Variants in DSCAM observed in about 807,000 individuals in gnomAD.
DSCAM encodes cell adhesion molecule DSCAM.
DSCAM carries 47 observed loss-of-function variants against 217.7 expected under a neutral mutation model. The ratio of observed to expected loss-of-function variants is 0.22; its 90% CI spans 0.17 to 0.28. The LOEUF (loss-of-function observed/expected upper bound fraction) is 0.28. Among genes scored for constraint, DSCAM ranks in the 10% least tolerant of loss-of-function variants. The pLI, the probability that DSCAM is intolerant of heterozygous loss-of-function variation, is 1.00. For synonymous variants in DSCAM, 1,056 were observed against 1,015.3 expected (o/e 1.04, Z -0.76); for missense variants, 2,080 against 2,618.3 (o/e 0.79, Z 4.49).
At chr21:40,444,465 C>T (rs892419423) in intron 3 of DSCAM, among the ~76,000 whole-genome samples, 23 of 152,186 alleles carry the variant, frequency 1.5e-4, no homozygotes, top group African/African-American at 5.1e-4. Flanking sequence ...TACCTGGAGG[C>T]AAGTCCAACC....
At chr21:40,507,579 T>A (rs2076219727) in intron 3 of DSCAM, among the ~76,000 whole-genome samples, 1 of 152,008 alleles carries the variant, frequency 6.6e-6, no homozygotes, top group South Asian at 2.1e-4. Flanking sequence ...TCACTCGAGC[T>A]CAGGAGTTTG....
At chr21:40,510,079 C>T (rs748378877) in intron 3 of DSCAM, among the ~76,000 whole-genome samples, 2 of 152,020 alleles carry the variant, frequency 1.3e-5, no homozygotes, top group South Asian at 2.1e-4. Flanking sequence ...CAGCTGAGAT[C>T]GCCCCACTGC....
chr21:40,608,869 C>T (rs1394230442), intron 3 of DSCAM, among the ~76,000 whole-genome samples: 1 of 152,180 alleles, frequency 6.6e-6, no homozygotes, highest in Non-Finnish European at 1.5e-5. Context: ...ATTCCAGGAG[C>T]TACCACTCGT....
chr21:40,399,679 A>G (rs972275061), intron 3 of DSCAM, among the ~76,000 whole-genome samples: 2 of 152,198 alleles, frequency 1.3e-5, no homozygotes, highest in Non-Finnish European at 2.9e-5. Context: ...CTCAGCAAAA[A>G]ATGCTGCCAC....
chr21:40,039,826 TAAAAAG>T (rs888165540), intron 32 of DSCAM, among the ~76,000 whole-genome samples: 22 of 151,180 alleles, frequency 1.5e-4, no homozygotes, highest in African/African-American at 5.3e-4. Flanking sequence ...ACAGAAAAAA[TAAAAAG>T]GGAAAGAGAA....
intron 16 of DSCAM, among the ~76,000 whole-genome samples, chr21:40,163,033 AAAT>A: frequency 6.6e-6 from 1 of 151,404 alleles, no homozygotes; most frequent in Non-Finnish European, 1.5e-5. Context: ...TAAATATTCT[AAAT>A]AATGAATGTT....
chr21:40,361,880 T>C (rs2074770444), intron 4 of DSCAM, among the ~76,000 whole-genome samples: 1 of 152,146 alleles, frequency 6.6e-6, no homozygotes, highest in South Asian at 2.1e-4. Flanking sequence ...ATCTCTTGAG[T>C]GTTTCTTAAT....
intron 32 of DSCAM, among the ~76,000 whole-genome samples, chr21:40,040,947 A>C (rs2088736766): frequency 6.6e-6 from 1 of 152,130 alleles, no homozygotes; most frequent in African/African-American, 2.4e-5. Context: ...AAATAGTTGA[A>C]ATAAAAACAC....
rs543962250 is a variant in DSCAM, at chr21:40,140,116, C to A, written c.3406+2442G>T. ...GAGGCTGCAGTCTGGGGAGTTTGTG[C>A]AAAAGTGTCCAGTAGCCCCGTGAAC... is the stretch of plus-strand genomic sequence containing the variant. On this transcript the variant is annotated intron_variant, in intron 18 of 32. Coordinates refer to ENST00000400454, the MANE Select transcript of DSCAM (RefSeq NM_001389.5). Among the ~76,000 whole-genome samples the A allele has an allele frequency of 8.7e-4, 132 of 152,114 alleles. 4 individuals are homozygous for A. In the South Asian group the frequency reaches 0.027, roughly 31 times the overall value.
chr21:40,017,099 A>T (rs1162577344), intron 32 of DSCAM, among the ~76,000 whole-genome samples: 1 of 141,940 alleles, frequency 7.0e-6, no homozygotes, highest in African/African-American at 2.9e-5. Context: ...ATGAAACTCC[A>T]TCTCAAAAAA....
chr21:40,167,376 A>G (rs1053874638), intron 15 of DSCAM, 88 bp from the exon 16 acceptor site: 2 of 1,129,362 alleles, frequency 1.8e-6, no homozygotes, highest in Non-Finnish European at 2.7e-6. Context: ...CCCCGAGGAC[A>G]ACCCATCCCT....
At chr21:40,460,610 A>G (rs2075798445) in intron 3 of DSCAM, among the ~76,000 whole-genome samples, 1 of 152,212 alleles carries the variant, frequency 6.6e-6, no homozygotes, top group African/African-American at 2.4e-5. Context: ...TTAATTATCC[A>G]TTAAAGAAAA....
intron 3 of DSCAM, among the ~76,000 whole-genome samples, chr21:40,464,087 T>A (rs1214191061): frequency 6.6e-6 from 1 of 152,208 alleles, no homozygotes; most frequent in Non-Finnish European, 1.5e-5. Context: ...TCCATTTTCA[T>A]GATTTTACCA....
chr21:40,080,771 C>A (rs1220878937), intron 24 of DSCAM, among the ~76,000 whole-genome samples: 1 of 152,214 alleles, frequency 6.6e-6, no homozygotes, highest in Non-Finnish European at 1.5e-5. Flanking sequence ...ATTTCTTCAA[C>A]TGCCTCACTC....
chr21:40,341,190 C>T lies in DSCAM; in HGVS notation c.1211-1775G>A, dbSNP rs531006874. On this transcript the variant is annotated intron_variant, in intron 6 of 32. Coordinates refer to ENST00000400454, the MANE Select transcript of DSCAM (RefSeq NM_001389.5). ...TAAAATGAAAAATTGATGCTTTTGT[C>T]TTTAACGCACTGCAGACGTTGCCTC... Among the ~76,000 whole-genome samples the T allele has an allele frequency of 5.9e-5, 9 of 152,314 alleles. No individual in the cohort carries two copies. In the South Asian group the frequency reaches 1.4e-3, roughly 25 times the overall value.
chr21:40,761,232 C>G (rs1370639213), intron 1 of DSCAM, among the ~76,000 whole-genome samples: 4 of 152,190 alleles, frequency 2.6e-5, no homozygotes, highest in Non-Finnish European at 5.9e-5. Flanking sequence ...CTCTTATCTG[C>G]TCCAAGTCTC....
intron 18 of DSCAM, among the ~76,000 whole-genome samples, chr21:40,139,022 GTA>G (rs2090254011): frequency 6.8e-6 from 1 of 147,952 alleles, no homozygotes; most frequent in Non-Finnish European, 1.5e-5. Context: ...TGGTGTGTGT[GTA>G]GTGTGTGTGT....
intron 11 of DSCAM, among the ~76,000 whole-genome samples, chr21:40,247,746 G>T (rs988843918): frequency 1.3e-5 from 2 of 152,198 alleles, no homozygotes; most frequent in Non-Finnish European, 2.9e-5. Flanking sequence ...GGGTCTGGAG[G>T]ACAGTAGCCC....
chr21:40,389,886 C>T (rs992477988), intron 3 of DSCAM, among the ~76,000 whole-genome samples: 4 of 152,154 alleles, frequency 2.6e-5, no homozygotes, highest in South Asian at 2.1e-4. Context: ...CGTGAGGACA[C>T]GGGGAATAAA....
Sources: gnomAD v4.1 joint callset for allele counts (sites outside exome capture counted in the v4.1 genomes callset) on GRCh38, gnomAD v4.1.1 for gene constraint, MANE v1.5 for transcripts, NCBI Gene and HGNC (gene_info 2026-07-23, HGNC 2026-07-21) for gene names.